Variants in RANBP2 observed in about 807,000 individuals in gnomAD.
The protein encoded by RANBP2 is E3 SUMO-protein ligase RanBP2.
A neutral mutation model predicts 303.6 loss-of-function variants in RANBP2; 57 were observed. The observed-to-expected ratio is 0.19, with a 90% confidence interval of 0.15 to 0.23. The LOEUF is 0.23. Among genes scored for constraint, RANBP2 ranks in the 10% least tolerant of loss-of-function variants. RANBP2 has a pLI of 1.00. For synonymous variants in RANBP2, 1,167 were observed against 1,301.5 expected (o/e 0.90, Z 2.23); for missense variants, 3,138 against 3,780.8 (o/e 0.83, Z 4.46).
the RANBP2 span, among the ~76,000 whole-genome samples, chr2:109,220,677 C>A: frequency 2.6e-5 from 4 of 152,160 alleles, no homozygotes; most frequent in African/African-American, 9.7e-5. Flanking sequence ...TGCTTCATGT[C>A]ATTTGTTACT....
At chr2:109,373,871 C>T in the RANBP2 span, among the ~76,000 whole-genome samples, 1 of 152,166 alleles carries the variant, frequency 6.6e-6, no homozygotes, top group Admixed American at 6.5e-5. Context: ...GGCCCCTCAG[C>T]CCCTCCTCTG....
chr2:108,859,780 T>G, the RANBP2 span, among the ~76,000 whole-genome samples: 1 of 152,154 alleles, frequency 6.6e-6, no homozygotes, highest in South Asian at 2.1e-4. Flanking sequence ...TTTGGCTGTT[T>G]GGGCTCATTC....
the RANBP2 span, among the ~76,000 whole-genome samples, chr2:109,065,364 T>G: frequency 6.6e-6 from 1 of 152,196 alleles, no homozygotes; most frequent in African/African-American, 2.4e-5. Context: ...TTCTGACGGC[T>G]TTTGCTTATC....
At chr2:109,116,179 C>A in the RANBP2 span, among the ~76,000 whole-genome samples, 1 of 152,128 alleles carries the variant, frequency 6.6e-6, no homozygotes, top group African/African-American at 2.4e-5. Context: ...TGTTGGTCTG[C>A]CTTGCTAGAT....
the RANBP2 span, among the ~76,000 whole-genome samples, chr2:108,806,780 A>G: frequency 9.8e-4 from 150 of 152,344 alleles, no homozygotes; most frequent in African/African-American, 3.4e-3. Flanking sequence ...ATAGTAATTT[A>G]TGCTAACACT....
At chr2:108,949,025 G>T in the RANBP2 span, among the ~76,000 whole-genome samples, 15 of 152,170 alleles carry the variant, frequency 9.9e-5, no homozygotes, top group African/African-American at 3.6e-4. Context: ...CACCCAGGCT[G>T]GAGTGCAGTG....
chr2:109,333,296 C>T, the RANBP2 span, among the ~76,000 whole-genome samples: 1 of 152,242 alleles, frequency 6.6e-6, no homozygotes, highest in East Asian at 1.9e-4. Flanking sequence ...CCTAGCATAT[C>T]CTTGCTGGAT....
the RANBP2 span, among the ~76,000 whole-genome samples, chr2:109,218,381 T>C: frequency 0.37 from 56,222 of 152,074 alleles, 11,731 homozygotes; most frequent in East Asian, 0.8. Flanking sequence ...TCTGAGTTGC[T>C]GGATGAAATG....
At chr2:108,998,412 T>C in the RANBP2 span, among the ~76,000 whole-genome samples, 1 of 152,244 alleles carries the variant, frequency 6.6e-6, no homozygotes, top group Non-Finnish European at 1.5e-5. Flanking sequence ...TTGATTCTTG[T>C]ATTCGTGGAG....
At chr2:109,518,915 C>CTTTTTTTTT in the RANBP2 span, among the ~76,000 whole-genome samples, 123 of 110,982 alleles carry the variant, frequency 1.1e-3, 6 homozygotes, top group African/African-American at 4.7e-3. Context: ...TGCTACATAT[C>CTTTTTTTTT]TTTTTTTTTT....
At chr2:109,267,833 A>G in the RANBP2 span, among the ~76,000 whole-genome samples, 1 of 152,180 alleles carries the variant, frequency 6.6e-6, no homozygotes, top group Admixed American at 6.5e-5. Context: ...TGGTCGGGCA[A>G]TGGGGCCAGG....
At chr2:108,749,157 T>G in intron 9 of RANBP2, 28 bp downstream of exon 9, 1 of 1,611,894 alleles carries the variant, frequency 6.2e-7, no homozygotes. Flanking sequence ...GAGGAAATGG[T>G]CTCCGTCTTA....
the RANBP2 span, among the ~76,000 whole-genome samples, chr2:109,737,977 A>T: frequency 6.6e-6 from 1 of 152,126 alleles, no homozygotes; most frequent in Non-Finnish European, 1.5e-5. Context: ...TATTCTGGAT[A>T]TTAATCCCTT....
At chr2:108,871,188 A>C in the RANBP2 span, among the ~76,000 whole-genome samples, 1 of 152,092 alleles carries the variant, frequency 6.6e-6, no homozygotes, top group Non-Finnish European at 1.5e-5. Context: ...ATTTAATGAA[A>C]TAGTATTCAA....
the RANBP2 span, among the ~76,000 whole-genome samples, chr2:108,829,652 A>G: frequency 3.3e-5 from 5 of 152,210 alleles, no homozygotes; most frequent in Non-Finnish European, 7.3e-5. Flanking sequence ...AGGCTGAGGC[A>G]TGGGAATCGC....
At chr2:108,786,827 A>C, downstream of RANBP2, 1 of 1,589,406 alleles carries the variant, frequency 6.3e-7, no homozygotes, top group East Asian at 2.3e-5. Flanking sequence ...TGTGCTATGG[A>C]GCCGAGGGTC....
chr2:108,935,025 A>G, the RANBP2 span, among the ~76,000 whole-genome samples: 5 of 152,210 alleles, frequency 3.3e-5, no homozygotes, highest in African/African-American at 1.2e-4. Context: ...TTTGGAGTCA[A>G]GCGTCACCTG....
chr2:108,869,950 A>G, the RANBP2 span, among the ~76,000 whole-genome samples: 5 of 152,238 alleles, frequency 3.3e-5, no homozygotes, highest in Non-Finnish European at 7.3e-5. Flanking sequence ...TTCAGAAACT[A>G]TCCTGTAAAG....
At chr2:108,780,622 C>G (rs896688784) in intron 25 of RANBP2, among the ~76,000 whole-genome samples, 4 of 151,600 alleles carry the variant, frequency 2.6e-5, no homozygotes, top group African/African-American at 9.7e-5. Context: ...TTCTGCCCCC[C>G]AGGTTGAAGC....
Sources: gnomAD v4.1 joint callset for allele counts (sites outside exome capture counted in the v4.1 genomes callset) on GRCh38, gnomAD v4.1.1 for gene constraint, MANE v1.5 for transcripts, NCBI Gene and HGNC (gene_info 2026-07-23, HGNC 2026-07-21) for gene names.